MAPK11: variants seen among roughly 807,000 people sequenced by gnomAD.
The protein encoded by MAPK11 is MAP kinase 11.
MAPK11 carries 44 observed loss-of-function variants against 52.2 expected under a neutral mutation model. The observed-to-expected ratio is 0.84, with a 90% CI of 0.66 to 1.08. MAPK11 has a LOEUF of 1.08. MAPK11 is among the 50% of genes least tolerant of loss of function. The probability of loss-of-function intolerance (pLI) is 0.00; values close to 1 mark genes in which losing one functional copy is unlikely to be tolerated. For synonymous variants in MAPK11, 233 were observed against 206.3 expected, an observed-to-expected ratio of 1.13 and a Z score of -1.11; for missense variants, 436 against 494.7, an observed-to-expected ratio of 0.88 and a Z score of 1.13.
chr22:50,267,650 G>T, intron 2 of MAPK11, 23 bp from the exon 3 acceptor site: 1 of 1,522,028 alleles, frequency 6.6e-7, no homozygotes, highest in Non-Finnish European at 8.8e-7. Context: ...GGGCGTCAGG[G>T]CCGGGCGACG....
Position 50,270,171 on chromosome 22 carries a change from C to A in MAPK11, c.116+6G>T. The stretch of plus-strand genomic sequence containing the variant: ...CCACCCAGCACCCCTTCTGCCCCGC[C>A]CCTACCAGACGGAGCCGTAGGCGCC... On this transcript the variant is annotated splice_donor_region_variant and intron_variant, in intron 1 of 11. Coordinates refer to ENST00000330651, the MANE Select transcript of MAPK11 (RefSeq NM_002751.7). The surrounding 1 kb of genome is among the most constrained non-coding windows in gnomAD (Gnocchi z 6.3). 1 of 1,424,254 alleles carries A rather than the reference C, an allele frequency of 7.0e-7. No individual in the cohort carries two copies. Among genetic ancestry groups the A allele is most frequent in the Middle Eastern group, 2.1e-4 (1 of 4,720 alleles). 88.2% of individuals were successfully genotyped at this position (1,424,254 alleles called of 1,614,324 possible). A position where few individuals can be genotyped will look rare whatever the true frequency, so the allele number is the denominator to read the frequency against.
At position 50,264,743 on chromosome 22, in the gene MAPK11, C is replaced by T. The variant is rs1306327207; in HGVS notation, c.*205G>A. ...AGGTAGGCCCAGGGACACTTGTGCC[C>T]AGACTCCTACACATGGCAAGCACAT... is the stretch of plus-strand genomic sequence containing the variant. On this transcript the variant is annotated 3_prime_UTR_variant, in exon 12 of 12. Coordinates refer to ENST00000330651, the MANE Select transcript of MAPK11 (RefSeq NM_002751.7). 1 of 539,912 alleles carries T rather than the reference C, an allele frequency of 1.9e-6. No individual in the cohort carries two copies. Among genetic ancestry groups the T allele is most frequent in the Middle Eastern group, 5.0e-4 (1 of 2,000 alleles). 33.4% of individuals were successfully genotyped at this position (539,912 alleles called of 1,614,324 possible).
chr22:50,266,709 C>T (rs1357595554), intron 7 of MAPK11, 98 bp from the exon 8 acceptor site: 4 of 1,208,370 alleles, frequency 3.3e-6, no homozygotes, highest in African/African-American at 3.0e-5. Context: ...GGGCAGACCC[C>T]CTCCTCTGCC....
rs903068559 is a variant in MAPK11 at position 50,264,370 on chromosome 22, G to A, written c.*578C>T. On this transcript the variant is annotated 3_prime_UTR_variant, in exon 12 of 12. Coordinates refer to ENST00000330651, the MANE Select transcript of MAPK11 (RefSeq NM_002751.7). The stretch of plus-strand genomic sequence containing the variant: ...ACCCACGGGTGAACACAAGACTCCA[G>A]GCAGCTTTTCTCATTTGACACCTGG... 6.5e-6 allele frequency: 1 copy of A among 153,718 alleles called. No homozygotes were observed. The highest frequency in any genetic ancestry group is 1.4e-5 in the Non-Finnish European group (1 of 68,966). 9.5% of individuals were successfully genotyped at this position (153,718 alleles called of 1,614,324 possible).
Position 50,267,894 on chromosome 22 carries a change from G to C in MAPK11, c.172C>G (p.Pro58Ala). 6.3e-7 allele frequency: 1 copy of C among 1,588,274 alleles called. No individual in the cohort carries two copies. Reference protein sequence around the residue: ...QKVAVKKLSRPFQSLIHARRT... With the variant: ...QKVAVKKLSRAFQSLIHARRT... ...CGCGCGTGGATCAGCGACTGGAAGGGGCGCGACAGCTTCTTCACCGCCACC... is the reference window on the plus strand; with the variant it reads ...CGCGCGTGGATCAGCGACTGGAAGGCGCGCGACAGCTTCTTCACCGCCACC... The change falls in exon 2 of 12, where the codon CCC becomes GCC. Residue 58 changes from proline to alanine, a missense_variant. By Grantham distance (27) the Pro-to-Ala change is conservative (BLOSUM62 -1). Transcript: ENST00000330651.
Position 50,267,924 on chromosome 22 carries a change from G to A in MAPK11, c.142C>T (p.Gln48Ter). 1 of 1,578,498 alleles carries A rather than the reference G, an allele frequency of 6.3e-7. No homozygotes were observed. Among genetic ancestry groups the A allele is most frequent in the Non-Finnish European group, 8.6e-7 (1 of 1,165,024 alleles). ...GACAGCTTCTTCACCGCCACCTTCTGGCGCAGCCGGGCGTCGTAGGCCGAA... is the reference window on the plus strand; with the variant it reads ...GACAGCTTCTTCACCGCCACCTTCTAGCGCAGCCGGGCGTCGTAGGCCGAA... ...VCSAYDARLR[Q>*]KVAVKKLSRP... Residue 48 changes from glutamine to a stop codon, truncating the protein, a stop_gained, in exon 2 of 12, where the codon CAG becomes TAG. Transcript: ENST00000330651. LOFTEE classifies it high-confidence loss of function.
intron 3 of MAPK11, 32 bp downstream of exon 3, chr22:50,267,537 C>T (rs770268317): frequency 1.9e-6 from 3 of 1,548,484 alleles, no homozygotes. Context: ...CGCGAACGCG[C>T]TCCCCGCTGC....
chr22:50,266,383 C>A (rs947531298), intron 8 of MAPK11, 78 bp from the exon 9 acceptor site: 3 of 1,463,950 alleles, frequency 2.0e-6, no homozygotes, highest in African/African-American at 2.8e-5. Context: ...TGGGGCGCTG[C>A]CCAGAGCCCG....
chr22:50,265,035 G>C lies in MAPK11; in HGVS notation c.1016-8C>G. On this transcript the variant is annotated splice_region_variant and splice_polypyrimidine_tract_variant and intron_variant, in intron 11 of 11. Transcript: ENST00000330651. Reference sequence around the variant, plus strand: ...CTTCCTGGTAAGTGAGCTCTAGGAGGTGAAGGGAAAGGGTGAGCTTGTGCC... The same window carrying C: ...CTTCCTGGTAAGTGAGCTCTAGGAGCTGAAGGGAAAGGGTGAGCTTGTGCC... 6.2e-7 allele frequency: 1 copy of C among 1,611,630 alleles called. No individual in the cohort carries two copies. The highest frequency in any genetic ancestry group is 8.5e-7 in the Non-Finnish European group (1 of 1,178,570).
At chr22:50,266,409 G>T in intron 8 of MAPK11, 104 bp from the exon 9 acceptor site, 1 of 1,406,762 alleles carries the variant, frequency 7.1e-7, no homozygotes, top group Non-Finnish European at 9.7e-7. Context: ...CTATAGGTGA[G>T]GATGGCCAGC....
intron 2 of MAPK11, 43 bp downstream of exon 2, chr22:50,267,777 G>A: frequency 1.1e-6 from 1 of 947,622 alleles, no homozygotes; most frequent in Admixed American, 3.4e-5. Flanking sequence ...CCGCGGCCCC[G>A]CCCCCGCACG....
intron 4 of MAPK11, 31 bp downstream of exon 4, chr22:50,267,340 G>A (rs772980173): frequency 6.7e-6 from 10 of 1,484,244 alleles, no homozygotes; most frequent in Non-Finnish European, 8.3e-6. Flanking sequence ...GCCCCCCTGC[G>A]AGAGGACCCG....
At chr22:50,266,076 C>T in intron 9 of MAPK11, 150 bp downstream of exon 9, 1 of 644,570 alleles carries the variant, frequency 1.6e-6, no homozygotes, top group Non-Finnish European at 2.7e-6. Context: ...TCCTGTTTCC[C>T]CTGCAGGGAT....
chr22:50,266,319 G>A lies in MAPK11; in HGVS notation c.683-14C>T. Reference sequence around the variant, plus strand: ...GCTGGTCAATGTCTGTGTCACTCAGGAAACACCCACGGGCCAGCCACAGAC... The same window carrying A: ...GCTGGTCAATGTCTGTGTCACTCAGAAAACACCCACGGGCCAGCCACAGAC... On this transcript the variant is annotated splice_polypyrimidine_tract_variant and intron_variant, in intron 8 of 11. Transcript: ENST00000330651. 1.9e-6 allele frequency: 3 copies of A among 1,601,254 alleles called. No homozygotes were observed. Among genetic ancestry groups the A allele is most frequent in the Non-Finnish European group, 2.6e-6 (3 of 1,173,902 alleles).
chr22:50,267,321 G>GCCCCC, intron 4 of MAPK11, 35 bp from the exon 5 acceptor site: 22 of 981,598 alleles, frequency 2.2e-5, no homozygotes, highest in Non-Finnish European at 3.0e-5. Flanking sequence ...CGCCGGGCCC[G>GCCCCC]GCCCGCCCGC....
chr22:50,265,275 G>A (rs1036384504), intron 11 of MAPK11, 46 bp downstream of exon 11: 1 of 1,598,548 alleles, frequency 6.3e-7, no homozygotes, highest in African/African-American at 1.3e-5. Context: ...TGGGGAAATG[G>A]AGCCCGCAGG....
Position 50,264,944 on chromosome 22 carries a change from C to T in MAPK11, c.*4G>A, listed in dbSNP as rs2065250353. 6.2e-7 allele frequency: 1 copy of T among 1,608,712 alleles called. No individual in the cohort carries two copies. Among genetic ancestry groups the T allele is most frequent in the South Asian group, 1.1e-5 (1 of 89,876 alleles). On this transcript the variant is annotated 3_prime_UTR_variant, in exon 12 of 12. Transcript: ENST00000330651. ...CAGGCTCTCAGGGGCTGCTGGGCAG[C>T]ACCTCACTGCTCAATCTCCAGGCTG...
Position 50,266,236 on chromosome 22 carries a change from G to A in MAPK11, c.752C>T (p.Ser251Phe), listed in dbSNP as rs762912240. 9 of 1,597,186 alleles carry A rather than the reference G, an allele frequency of 5.6e-6. No homozygotes were observed. The highest frequency in any genetic ancestry group is 6.0e-6 in the Non-Finnish European group (7 of 1,171,296). The change falls in exon 9 of 12, where the codon TCC becomes TTC. Residue 251 changes from serine (S) to phenylalanine (F), a missense_variant. Ser to Phe is a radical substitution (Grantham distance 155). Transcript: ENST00000330651. Reference sequence around the variant, plus strand: ...CGGGCACCAACTCACGTGTTCTGAGGAGATTTTTGCCAGAACCTCAGGGCT... The same window carrying A: ...CGGGCACCAACTCACGTGTTCTGAGAAGATTTTTGCCAGAACCTCAGGGCT... ...TPSPEVLAKI[S>F]SEHARTYIQS... is the part of the protein sequence containing the mutation.
intron 7 of MAPK11, 115 bp downstream of exon 7, chr22:50,266,819 T>A: frequency 9.1e-7 from 1 of 1,097,578 alleles, no homozygotes; most frequent in Non-Finnish European, 1.4e-6. Context: ...TACTTTTGAA[T>A]GTGGGTCCCA....
Sources: allele counts gnomAD v4.1 joint callset, GRCh38; gene constraint gnomAD v4.1.1; non-coding constraint Gnocchi (gnomAD v3.1); transcripts MANE v1.5; gene names NCBI Gene and HGNC (gene_info 2026-07-23, HGNC 2026-07-21).